Variants in PFKFB3 observed in about 807,000 individuals in gnomAD.
PFKFB3 encodes the protein 6-phosphofructo-2-kinase/fructose-2,6-bisphosphatase 3.
A neutral mutation model predicts 68.0 loss-of-function variants in PFKFB3; 33 were observed. That is an observed-to-expected ratio of 0.49 (90% confidence interval 0.37 to 0.65). The LOEUF is 0.65. Ranked by LOEUF, PFKFB3 falls within the 30% of genes least tolerant of loss-of-function variation. PFKFB3 has a pLI of 0.00. For synonymous variants in PFKFB3, 315 were observed against 288.2 expected, an observed-to-expected ratio of 1.09 and a Z score of -0.94; for missense variants, 586 against 712.2, an observed-to-expected ratio of 0.82 and a Z score of 2.02.
chr10:6,204,598 G>T (rs1414191643), intron 1 of PFKFB3, among the ~76,000 whole-genome samples: 1 of 152,244 alleles, frequency 6.6e-6, no homozygotes, highest in African/African-American at 2.4e-5. Context: ...GTAGCCCTCA[G>T]GAGAGGTCTT....
chr10:6,317,653 C>A, the PFKFB3 span, among the ~76,000 whole-genome samples: 1 of 152,122 alleles, frequency 6.6e-6, no homozygotes, highest in Admixed American at 6.5e-5. Flanking sequence ...ATTTCAAGAT[C>A]CTAAGGTCTA....
rs1159868196 is a variant in PFKFB3 at position 6,218,117 on chromosome 10, T to C, written c.498+926T>C. Among the ~76,000 whole-genome samples the C allele has an allele frequency of 1.1e-4, 16 of 152,344 alleles. No homozygotes were observed. In the South Asian group the frequency reaches 2.9e-3, roughly 28 times the overall value. On this transcript the variant is annotated intron_variant, in intron 6 of 14. Coordinates refer to ENST00000379775, the MANE Select transcript of PFKFB3 (RefSeq NM_004566.4). ...AGCAGGAGGCTCAGAGTATGAGGGT[T>C]TGCCACCTTTCTTTGGCTGGGCACT...
In PFKFB3 at chr10:6,148,542, G is replaced by A. The variant is rs139301699; in HGVS notation, c.16+3529G>A. Among the ~76,000 whole-genome samples the A allele has an allele frequency of 1.5e-3, 223 of 152,356 alleles. 1 individual carries two copies. Among genetic ancestry groups the A allele is most frequent in the Non-Finnish European group, 2.7e-3 (184 of 68,034 alleles). ...TCAGGGCTCACAGCTCTTCCTGTGG[G>A]TCTCCAGGGTGACGGTGGTTAGAGT... On this transcript the variant is annotated intron_variant, in intron 1 of 14. Coordinates refer to the PFKFB3 transcript ENST00000379789.
chr10:6,271,916 AGGGT>A, the PFKFB3 span, among the ~76,000 whole-genome samples: 1 of 152,166 alleles, frequency 6.6e-6, no homozygotes, highest in African/African-American at 2.4e-5. Flanking sequence ...AGGCTATCAG[AGGGT>A]GGGTGTGGAA....
At chr10:6,312,898 A>G in the PFKFB3 span, among the ~76,000 whole-genome samples, 1 of 143,508 alleles carries the variant, frequency 7.0e-6, no homozygotes, top group African/African-American at 2.6e-5. Context: ...AGTGGAATCA[A>G]ATAAGCAATG....
chr10:6,296,483 A>G, the PFKFB3 span, among the ~76,000 whole-genome samples: 1 of 152,184 alleles, frequency 6.6e-6, no homozygotes, highest in Non-Finnish European at 1.5e-5. Context: ...TGAAGTAATA[A>G]AAGAGTGGCT....
Position 6,216,727 on chromosome 10 carries a change from A to T in PFKFB3, c.388A>T (p.Thr130Ser). ...QIAVFDATNTTRERRHMILHF... is the reference protein window; with the variant it reads ...QIAVFDATNTSRERRHMILHF... ...TCAGGTTTTCGATGCCACCAATACT[A>T]CTAGAGAGAGGAGACACATGATCCT... Residue 130 changes from threonine to serine, a missense_variant, in exon 5 of 15, where the codon ACT (threonine) becomes TCT (serine). Thr to Ser is a moderately conservative substitution (Grantham distance 58). Transcript: ENST00000379775. 1 of 1,613,020 alleles carries T rather than the reference A, an allele frequency of 6.2e-7. No individual in the cohort carries two copies. Among genetic ancestry groups the T allele is most frequent in the Non-Finnish European group, 8.5e-7 (1 of 1,178,992 alleles).
At chr10:6,202,873 A>G, upstream of PFKFB3, 2 of 1,053,140 alleles carry the variant, frequency 1.9e-6, no homozygotes, top group Admixed American at 5.8e-5. Flanking sequence ...CCCGAGGCTG[A>G]CGTACGCGTC....
chr10:6,266,950 G>A, the PFKFB3 span, among the ~76,000 whole-genome samples: 22 of 152,290 alleles, frequency 1.4e-4, no homozygotes, highest in African/African-American at 4.6e-4. Context: ...GATTGTCTGC[G>A]GAATTTGGGG....
intron 1 of PFKFB3, among the ~76,000 whole-genome samples, chr10:6,185,167 G>A (rs1414131230): frequency 6.6e-6 from 1 of 152,210 alleles, no homozygotes; most frequent in Admixed American, 6.5e-5. Context: ...GTGGCCTTGA[G>A]ACACATCACT....
intron 14 of PFKFB3, among the ~76,000 whole-genome samples, chr10:6,226,913 C>A (rs1845398777): frequency 1.3e-5 from 2 of 152,156 alleles, no homozygotes; most frequent in African/African-American, 4.8e-5. Context: ...TGGCGAAACC[C>A]TGTCTTTACT....
intron 1 of PFKFB3, among the ~76,000 whole-genome samples, chr10:6,147,353 C>T (rs1349199507): frequency 3.3e-5 from 5 of 152,208 alleles, no homozygotes; most frequent in South Asian, 2.1e-4. Flanking sequence ...AGAAGCCATC[C>T]GGAGAAGGCG....
chr10:6,172,137 A>G (rs1038725491), intron 1 of PFKFB3, among the ~76,000 whole-genome samples: 3 of 152,144 alleles, frequency 2.0e-5, no homozygotes, highest in Admixed American at 1.3e-4. Context: ...CTGCTGGCTC[A>G]CTCGTTTGCT....
rs1261855305 is a variant in PFKFB3 at position 6,221,790 on chromosome 10, C to T, written c.1083+45C>T. 8 of 1,331,366 alleles carry T rather than the reference C, an allele frequency of 6.0e-6. 1 individual carries two copies. The South Asian group carries it at 7.5e-5, about 12-fold the overall frequency. 82.5% of individuals were successfully genotyped at this position (1,331,366 alleles called of 1,614,324 possible). A position where few individuals can be genotyped will look rare whatever the true frequency, so the allele number is the denominator to read the frequency against. On this transcript the variant is annotated intron_variant, in intron 10 of 14. Coordinates refer to ENST00000379775, the MANE Select transcript of PFKFB3 (RefSeq NM_004566.4). The stretch of plus-strand genomic sequence containing the variant: ...GGCTGACGGTCCCCAGCACACATGA[C>T]CACTGCTGTGCAGGGCTGGGCCACC...
chr10:6,312,564 A>C, the PFKFB3 span, among the ~76,000 whole-genome samples: 4 of 152,228 alleles, frequency 2.6e-5, no homozygotes, highest in African/African-American at 9.6e-5. Flanking sequence ...ATGTGCTGGC[A>C]ATTCTAAACA....
intron 6 of PFKFB3, 30 bp downstream of exon 6, chr10:6,217,221 C>T (rs369747428): frequency 1.2e-5 from 19 of 1,598,548 alleles, no homozygotes; most frequent in South Asian, 9.9e-5. Context: ...CGTGCTTCTG[C>T]GGCAGCGTAG....
chr10:6,274,323 G>A, the PFKFB3 span, among the ~76,000 whole-genome samples: 113,167 of 152,100 alleles, frequency 0.74, 42,997 homozygotes, highest in Non-Finnish European at 0.83. Context: ...AGCCCCTCTG[G>A]TCCTCCAGGG....
chr10:6,161,641 G>T (rs370429885), intron 1 of PFKFB3, among the ~76,000 whole-genome samples: 4,081 of 31,736 alleles, frequency 0.13, 74 homozygotes, highest in Non-Finnish European at 0.23. Flanking sequence ...TATATATAGA[G>T]AGAGAGAGAG....
At chr10:6,230,077 C>T (rs1845642571) in intron 14 of PFKFB3, among the ~76,000 whole-genome samples, 1 of 152,146 alleles carries the variant, frequency 6.6e-6, no homozygotes, top group Admixed American at 6.5e-5. Flanking sequence ...CTGGGAGGAG[C>T]CATTCGGGGA....
Sources: gnomAD v4.1 joint callset for allele counts (sites outside exome capture counted in the v4.1 genomes callset) on GRCh38, gnomAD v4.1.1 for gene constraint, MANE v1.5 for transcripts, NCBI Gene and HGNC (gene_info 2026-07-23, HGNC 2026-07-21) for gene names.